CPT1B: variants seen among roughly 807,000 people sequenced by gnomAD.
CPT1B encodes the protein carnitine O-palmitoyltransferase 1, muscle isoform.
Under a neutral mutation model 92.7 loss-of-function variants are expected in CPT1B, and 57 were observed. The observed-to-expected ratio is 0.62, with a 90% CI of 0.50 to 0.77. The LOEUF is 0.77. CPT1B is among the 30% of genes least tolerant of loss of function. The probability of loss-of-function intolerance (pLI) is 0.00; values close to 1 mark genes in which losing one functional copy is unlikely to be tolerated. For missense variants in CPT1B, 983 were observed against 1,017.4 expected, an observed-to-expected ratio of 0.97 and a Z score of 0.46; for synonymous variants, 398 against 383.5, an observed-to-expected ratio of 1.04 and a Z score of -0.44.
chr22:50,574,673 C>T, intron 7 of CPT1B, 73 bp from the exon 8 acceptor site: 1 of 1,232,174 alleles, frequency 8.1e-7, no homozygotes, highest in Non-Finnish European at 1.2e-6. Context: ...ACCCAAGGAC[C>T]AATCTATTCG....
chr22:50,571,467 G>C lies in CPT1B; in HGVS notation c.1648C>G (p.Gln550Glu). The C allele has an allele frequency of 6.2e-7, 1 of 1,613,772 alleles. No homozygotes were observed. Among genetic ancestry groups the C allele is most frequent in the Non-Finnish European group, 8.5e-7 (1 of 1,180,036 alleles). Reference protein sequence around the residue: ...LADDVELYCFQFLPFGKGLIK... With the variant: ...LADDVELYCFEFLPFGKGLIK... The stretch of plus-strand genomic sequence containing the variant: ...AGGCCTTTGCCAAAGGGCAGGAACT[G>C]GAAGCAGTACAACTCCACGTCGTCT... The change falls in exon 14 of 20, where the codon CAG (glutamine) becomes GAG (glutamate). Residue 550 changes from glutamine (Q) to glutamate (E), a missense_variant. Transcript: ENST00000312108.
intron 9 of CPT1B, 78 bp downstream of exon 9, chr22:50,574,257 G>T: frequency 9.0e-7 from 1 of 1,113,742 alleles, no homozygotes. Flanking sequence ...AGACACTGGG[G>T]ACGCTTGGTG....
At position 50,573,081 on chromosome 22, in the gene CPT1B, A is replaced by G; in HGVS notation, c.1167-21T>C. ...CCACCCTGAAGCATGGGGCAGGGTAAGCAGTGGGCACGTGGACTTGGGATG... is the reference window on the plus strand; with the variant it reads ...CCACCCTGAAGCATGGGGCAGGGTAGGCAGTGGGCACGTGGACTTGGGATG... On this transcript the variant is annotated intron_variant, in intron 10 of 19. Coordinates refer to ENST00000312108, the MANE Select transcript of CPT1B (RefSeq NM_152246.3). This position sits in a 1 kb window ranked among gnomAD's most constrained non-coding sequence, Gnocchi z 5.0. The G allele has an allele frequency of 1.3e-6, 2 of 1,581,054 alleles. No homozygotes were observed. The highest frequency in any genetic ancestry group is 1.7e-6 in the Non-Finnish European group (2 of 1,155,180).
intron 3 of CPT1B, 21 bp downstream of exon 3, chr22:50,577,303 C>G (rs777185767): frequency 6.2e-7 from 1 of 1,613,002 alleles, no homozygotes; most frequent in South Asian, 1.1e-5. Flanking sequence ...GCACCTGTGC[C>G]CTTCCAGTTT....
At chr22:50,572,751 T>A in intron 11 of CPT1B, 124 bp downstream of exon 11, 1 of 1,091,854 alleles carries the variant, frequency 9.2e-7, no homozygotes, top group Non-Finnish European at 1.3e-6. Context: ...CCCAAAGTGC[T>A]AGGATCACAG....
intron 16 of CPT1B, 98 bp downstream of exon 16, chr22:50,570,793 C>G (rs1364455092): frequency 9.3e-6 from 14 of 1,507,390 alleles, no homozygotes; most frequent in Non-Finnish European, 1.3e-5. Flanking sequence ...TTCAGGGGAG[C>G]AAGCCAGGAA....
chr22:50,574,456 C>T, intron 8 of CPT1B, 37 bp from the exon 9 acceptor site: 1 of 1,613,654 alleles, frequency 6.2e-7, no homozygotes, highest in Non-Finnish European at 8.5e-7. Context: ...ACTCAGGTCT[C>T]CCCTCCCATC....
At position 50,574,483 on chromosome 22, in the gene CPT1B, C is replaced by A. The variant is rs748155162; in HGVS notation, c.885+10G>T. The A allele has an allele frequency of 5.0e-6, 8 of 1,613,970 alleles. No individual in the cohort carries two copies. The highest frequency in any genetic ancestry group is 6.8e-6 in the Non-Finnish European group (8 of 1,179,836). ...CCTCCCATCCCACCTTCAACCCTGA[C>A]GCAACTCACAGGCTTGATTTCTTCA... On this transcript the variant is annotated intron_variant, in intron 8 of 19. Transcript: ENST00000312108.
Position 50,574,525 on chromosome 22 carries a change from G to A in CPT1B, c.853C>T (p.Arg285Cys), listed in dbSNP as rs1230479867. Residue 285 changes from arginine (R) to cysteine (C), a missense_variant, in exon 8 of 20, where the codon CGC becomes TGC. Coordinates refer to ENST00000312108, the MANE Select transcript of CPT1B (RefSeq NM_152246.3). ...ATTTCTTCACGGTCCAGTTTACGGC[G>A]ATACATGATCATGGCGTGGATGATG... The part of the protein sequence containing the change: ...GNIIHAMIMY[R>C]RKLDREEIKP... 1.3e-5 allele frequency: 21 copies of A among 1,614,024 alleles called. No homozygotes were observed. The highest frequency in any genetic ancestry group is 1.6e-5 in the Non-Finnish European group (19 of 1,180,038).
Position 50,570,275 on chromosome 22 carries a change from C to T in CPT1B, c.2142+18G>A. ...AGGGCCCTGGTGCTGCCCACCCACC[C>T]CCTTCAGGAGCACTCACAGGGCCAA... is the stretch of plus-strand genomic sequence containing the variant. On this transcript the variant is annotated intron_variant, in intron 17 of 19. Coordinates refer to ENST00000312108, the MANE Select transcript of CPT1B (RefSeq NM_152246.3). 2.0e-6 allele frequency: 3 copies of T among 1,533,240 alleles called. No individual in the cohort carries two copies. The highest frequency in any genetic ancestry group is 2.6e-6 in the Non-Finnish European group (3 of 1,132,628). The allele number at this position is 1,533,240 out of a possible 1,614,324, so 95.0% of individuals were successfully genotyped here.
chr22:50,577,747 AC>A, intron 2 of CPT1B, 27 bp downstream of exon 2: 1 of 1,606,492 alleles, frequency 6.2e-7, no homozygotes. Flanking sequence ...GCCTCTGCCT[AC>A]GCTCTGGGAG....
intron 7 of CPT1B, 41 bp from the exon 8 acceptor site, chr22:50,574,641 G>A: frequency 6.5e-7 from 1 of 1,546,838 alleles, no homozygotes. Flanking sequence ...GCCTCTGTCT[G>A]GGTGTCACCT....
At position 50,572,008 on chromosome 22, in the gene CPT1B, G is replaced by A; in HGVS notation, c.1573C>T (p.Gln525Ter). ...PTRLQWDIPK[Q>*]CQAVIESSYQ... ...TGCTCTGGGAGCTTCCAACCCACCTGTTTTGGAATGTCCCACTGCAGCCGT... is the reference window on the plus strand; with the variant it reads ...TGCTCTGGGAGCTTCCAACCCACCTATTTTGGAATGTCCCACTGCAGCCGT... Residue 525 changes from glutamine (Q) to a stop codon, truncating the protein, a stop_gained and splice_region_variant, in exon 13 of 20, where the codon CAG becomes TAG. Coordinates refer to ENST00000312108, the MANE Select transcript of CPT1B (RefSeq NM_152246.3). LOFTEE classifies it high-confidence loss of function. 1 of 1,613,736 alleles carries A rather than the reference G, an allele frequency of 6.2e-7. No homozygotes were observed. The highest frequency in any genetic ancestry group is 8.5e-7 in the Non-Finnish European group (1 of 1,179,836).
intron 11 of CPT1B, among the ~76,000 whole-genome samples, chr22:50,572,578 G>A (rs1449394855): frequency 2.0e-5 from 3 of 151,978 alleles, no homozygotes; most frequent in South Asian, 2.1e-4. Context: ...CACCATGCCC[G>A]GCTTTTAACC....
At chr22:50,577,709 T>C (rs2070520408) in intron 2 of CPT1B, 66 bp downstream of exon 2, 2 of 1,590,776 alleles carry the variant, frequency 1.3e-6, no homozygotes, top group Non-Finnish European at 1.7e-6. Context: ...TGAGGGACCC[T>C]AACAAAGCGC....
chr22:50,573,990 G>A lies in CPT1B; in HGVS notation c.971-275C>T. 4.3e-6 allele frequency: 3 copies of A among 699,864 alleles called. No individual in the cohort carries two copies. Among genetic ancestry groups the A allele is most frequent in the East Asian group, 2.8e-5 (1 of 35,706 alleles). 43.4% of individuals were successfully genotyped at this position (699,864 alleles called of 1,614,324 possible). ...TGTGCAAACCGCCTAAGGATACAGT[G>A]TCAGAAGCAGGGAAGGCTGCTGCCT... On this transcript the variant is annotated intron_variant, in intron 9 of 19. Transcript: ENST00000312108. The surrounding 1 kb of genome is among the most constrained non-coding windows in gnomAD (Gnocchi z 5.0).
intron 8 of CPT1B, 31 bp from the exon 9 acceptor site, chr22:50,574,450 A>G (rs757511576): frequency 2.5e-6 from 4 of 1,613,656 alleles, no homozygotes; most frequent in Non-Finnish European, 3.4e-6. Flanking sequence ...GCTCAGACTC[A>G]GGTCTCCCCT....
At chr22:50,574,672 C>G (rs1603443402) in intron 7 of CPT1B, 72 bp from the exon 8 acceptor site, 2 of 1,236,252 alleles carry the variant, frequency 1.6e-6, no homozygotes, top group Non-Finnish European at 2.4e-6. Context: ...GACCCAAGGA[C>G]CAATCTATTC....
chr22:50,577,544 G>C (rs1412835384), intron 2 of CPT1B, 81 bp from the exon 3 acceptor site: 3 of 1,557,652 alleles, frequency 1.9e-6, no homozygotes, highest in African/African-American at 1.4e-5. Flanking sequence ...ACTGGCTCCT[G>C]GTCTTGGCCT....
Sources: allele counts gnomAD v4.1 joint callset (sites outside exome capture counted in the v4.1 genomes callset), GRCh38; gene constraint gnomAD v4.1.1; non-coding constraint Gnocchi (gnomAD v3.1); transcripts MANE v1.5; gene names NCBI Gene and HGNC (gene_info 2026-07-23, HGNC 2026-07-21).